LRRIQ1: variants seen among roughly 807,000 people sequenced by gnomAD.
LRRIQ1 encodes the protein leucine-rich repeat- and IQ domain-containing protein 1.
LRRIQ1 carries 210 observed loss-of-function variants against 211.9 expected under a neutral mutation model. The observed-to-expected ratio is 0.99, with a 90% CI of 0.89 to 1.11. The LOEUF (loss-of-function observed/expected upper bound fraction) is 1.11, where lower values mean the gene tolerates loss of function less well. LRRIQ1 is among the 50% of genes most tolerant of loss of function. The pLI is 0.00. For missense variants in LRRIQ1, 2,136 were observed against 1,939.5 expected (o/e 1.10, Z -1.90); for synonymous variants, 699 against 650.1 (o/e 1.08, Z -1.14).
In LRRIQ1 at chr12:85,231,003, G is replaced by A. The variant is rs533253905; in HGVS notation, c.4955+1354G>A. ...GCGGAGCTTGCAATGAGCCGAGATCGTGCCACTGCACTCCAGCCTGGGCGA... is the reference window on the plus strand; with the variant it reads ...GCGGAGCTTGCAATGAGCCGAGATCATGCCACTGCACTCCAGCCTGGGCGA... On this transcript the variant is annotated intron_variant, in intron 25 of 26. Coordinates refer to ENST00000393217, the MANE Select transcript of LRRIQ1 (RefSeq NM_001079910.2). Among the ~76,000 whole-genome samples, 53 of 151,806 alleles carry A rather than the reference G, an allele frequency of 3.5e-4. 1 individual carries two copies. The South Asian group carries it at 0.011, about 30-fold the overall frequency.
chr12:85,170,382 A>G (rs1891358197), intron 24 of LRRIQ1, among the ~76,000 whole-genome samples: 1 of 151,314 alleles, frequency 6.6e-6, no homozygotes, highest in South Asian at 2.1e-4. Flanking sequence ...ACAAGCATAT[A>G]CATGCACAAA....
intron 11 of LRRIQ1, among the ~76,000 whole-genome samples, chr12:85,080,965 G>A (rs374353861): frequency 5.3e-5 from 8 of 152,036 alleles, no homozygotes; most frequent in Admixed American, 2.6e-4. Flanking sequence ...TCCTCTAGAG[G>A]TCCTTAGTTT....
intron 24 of LRRIQ1, among the ~76,000 whole-genome samples, chr12:85,180,408 G>T (rs1478067921): frequency 6.6e-6 from 1 of 151,698 alleles, no homozygotes. Context: ...TAATAGAACT[G>T]GGGGATCCCA....
chr12:85,058,762 G>A (rs1592715348), intron 8 of LRRIQ1, among the ~76,000 whole-genome samples: 1 of 152,000 alleles, frequency 6.6e-6, no homozygotes, highest in African/African-American at 2.4e-5. Context: ...TTGTAGAAAT[G>A]TGGATTCTGA....
At position 85,056,703 on chromosome 12, in the gene LRRIQ1, C is replaced by T; in HGVS notation, c.1910C>T (p.Ser637Leu). ...ATATTACAAGAAAAAGAAATTTATTCAAAATCCAAAGAAATTGAGGAGAAC... is the reference window on the plus strand; with the variant it reads ...ATATTACAAGAAAAAGAAATTTATTTAAAATCCAAAGAAATTGAGGAGAAC... ...NVILQEKEIY[S>L]KSKEIEENPK... Residue 637 changes from serine to leucine, a missense_variant, in exon 8 of 27, where the codon TCA becomes TTA. Ser to Leu is a moderately radical substitution (Grantham distance 145). Transcript: ENST00000393217. The T allele has an allele frequency of 6.2e-7, 1 of 1,606,446 alleles. No homozygotes were observed. The highest frequency in any genetic ancestry group is 8.5e-7 in the Non-Finnish European group (1 of 1,177,700).
chr12:85,088,258 A>G (rs1885032925), intron 11 of LRRIQ1, among the ~76,000 whole-genome samples: 1 of 151,964 alleles, frequency 6.6e-6, no homozygotes, highest in Non-Finnish European at 1.5e-5. Context: ...ATGGTTGTAG[A>G]TGTGTGGTAT....
At chr12:85,123,422 T>C (rs966626504) in intron 16 of LRRIQ1, among the ~76,000 whole-genome samples, 1 of 152,020 alleles carries the variant, frequency 6.6e-6, no homozygotes, top group African/African-American at 2.4e-5. Flanking sequence ...AGAATAAGGC[T>C]CATACAAGTG....
chr12:85,148,827 TTAA>T (rs1163391466), intron 19 of LRRIQ1, among the ~76,000 whole-genome samples: 1 of 152,014 alleles, frequency 6.6e-6, no homozygotes, highest in Non-Finnish European at 1.5e-5. Flanking sequence ...TCTTTACATT[TTAA>T]TAATTGTCAT....
chr12:85,056,770 C>T lies in LRRIQ1; in HGVS notation c.1977C>T (p.Asn659=). The change falls in exon 8 of 27, where the codon AAC becomes AAT. Residue 659 remains asparagine, a synonymous_variant. Transcript: ENST00000393217. The part of the protein sequence containing the change: ...NAWNSGIVIF[N]TTDTMINIEG... ...GGAATAGTGGCATTGTGATTTTTAACACAACTGATACCATGATAAATATAG... is the reference window on the plus strand; with the variant it reads ...GGAATAGTGGCATTGTGATTTTTAATACAACTGATACCATGATAAATATAG... 1 of 1,606,636 alleles carries T rather than the reference C, an allele frequency of 6.2e-7. No homozygotes were observed.
chr12:85,132,701 A>T (rs1888855713), intron 18 of LRRIQ1, among the ~76,000 whole-genome samples: 1 of 152,014 alleles, frequency 6.6e-6, no homozygotes, highest in Non-Finnish European at 1.5e-5. Flanking sequence ...GGTCAAGGCT[A>T]CAGTGAGCCA....
intron 7 of LRRIQ1, 56 bp from the exon 8 acceptor site, chr12:85,055,487 ATTTT>A: frequency 7.9e-7 from 1 of 1,268,580 alleles, no homozygotes; most frequent in African/African-American, 1.5e-5. Context: ...TTCAGATGAC[ATTTT>A]AGTAACATCT....
At chr12:85,087,696 G>T (rs1341853491) in intron 11 of LRRIQ1, among the ~76,000 whole-genome samples, 1 of 152,310 alleles carries the variant, frequency 6.6e-6, no homozygotes, top group East Asian at 1.9e-4. Context: ...GATGATCAGT[G>T]ATGATGAGCA....
At position 85,215,081 on chromosome 12, in the gene LRRIQ1, A is replaced by G. The variant is rs75567817; in HGVS notation, c.4823-14436A>G. Among the ~76,000 whole-genome samples the G allele has an allele frequency of 4.9e-3, 741 of 152,286 alleles. 7 individuals are homozygous for G. The highest frequency in any genetic ancestry group is 0.017 in the African/African-American group (714 of 41,564). On this transcript the variant is annotated intron_variant, in intron 24 of 26. Transcript: ENST00000393217. The stretch of plus-strand genomic sequence containing the variant: ...CTCATGAACATATAAACAAGTGATA[A>G]TCTCATTTGCAACCAGAGAAAGGCT...
intron 26 of LRRIQ1, among the ~76,000 whole-genome samples, chr12:85,241,652 T>C (rs1021003373): frequency 2.6e-5 from 4 of 151,978 alleles, no homozygotes; most frequent in African/African-American, 9.7e-5. Context: ...CTAAAATGTT[T>C]GATACATATG....
At chr12:85,089,351 A>G (rs1053136362) in intron 11 of LRRIQ1, among the ~76,000 whole-genome samples, 63 of 152,224 alleles carry the variant, frequency 4.1e-4, no homozygotes, top group African/African-American at 1.4e-3. Flanking sequence ...ACAGCTTTGG[A>G]ACTGCATAAC....
At chr12:85,132,634 G>C (rs945042236) in intron 18 of LRRIQ1, among the ~76,000 whole-genome samples, 1 of 151,946 alleles carries the variant, frequency 6.6e-6, no homozygotes. Flanking sequence ...TGGGTGGCAT[G>C]TACCTGTAGT....
intron 24 of LRRIQ1, among the ~76,000 whole-genome samples, chr12:85,213,419 A>G (rs1196185410): frequency 2.6e-5 from 4 of 152,054 alleles, no homozygotes; most frequent in Admixed American, 6.5e-5. Context: ...TATCACGTCT[A>G]TATAGCATGT....
the LRRIQ1 span, among the ~76,000 whole-genome samples, chr12:85,270,385 A>G: frequency 1.3e-5 from 2 of 152,036 alleles, no homozygotes; most frequent in African/African-American, 4.8e-5. Flanking sequence ...TAGAGGCAAT[A>G]CCTATGTTTA....
chr12:85,056,529 A>G lies in LRRIQ1; in HGVS notation c.1736A>G (p.Gln579Arg). The change falls in exon 8 of 27, where the codon CAG becomes CGG. Residue 579 changes from glutamine (Q) to arginine (R), a missense_variant. Coordinates refer to ENST00000393217, the MANE Select transcript of LRRIQ1 (RefSeq NM_001079910.2). ...GAGCAGAAAATAATCAAAGATAATC[A>G]GCAGAAAAAGATACAAAAAGTAGAA... is the stretch of plus-strand genomic sequence containing the variant. Reference protein sequence around the residue: ...NEEQKIIKDNQQKKIQKVEKE... With the variant: ...NEEQKIIKDNRQKKIQKVEKE... 1 of 1,611,328 alleles carries G rather than the reference A, an allele frequency of 6.2e-7. No individual in the cohort carries two copies. Among genetic ancestry groups the G allele is most frequent in the Non-Finnish European group, 8.5e-7 (1 of 1,178,828 alleles).
Sources: allele counts gnomAD v4.1 joint callset (sites outside exome capture counted in the v4.1 genomes callset), GRCh38; gene constraint gnomAD v4.1.1; transcripts MANE v1.5; gene names NCBI Gene and HGNC (gene_info 2026-07-23, HGNC 2026-07-21).